Variants in GXYLT2 observed in about 807,000 individuals in gnomAD.
The protein encoded by GXYLT2 is glycosyltransferase 8 domain containing 4.
GXYLT2 carries 53 observed loss-of-function variants against 45.8 expected under a neutral mutation model. That is an observed-to-expected ratio of 1.16 (90% CI 0.93 to 1.46). The LOEUF is 1.46. Among genes scored for constraint, GXYLT2 ranks in the 40% most tolerant of loss-of-function variants. GXYLT2 has a pLI of 0.00. For missense variants in GXYLT2, 551 were observed against 544.4 expected (o/e 1.01, Z -0.12); for synonymous variants, 219 against 214.2 (o/e 1.02, Z -0.19).
intron 2 of GXYLT2, among the ~76,000 whole-genome samples, chr3:72,918,352 A>G (rs908270986): frequency 6.6e-6 from 1 of 152,210 alleles, no homozygotes; most frequent in South Asian, 2.1e-4. Flanking sequence ...GCATTCTGTT[A>G]TATAGATAGA....
intron 5 of GXYLT2, among the ~76,000 whole-genome samples, chr3:72,961,156 T>C (rs535222555): frequency 2.6e-5 from 4 of 152,340 alleles, no homozygotes; most frequent in African/African-American, 9.6e-5. Flanking sequence ...GGACATTTCC[T>C]GGCAGGTGAG....
intron 1 of GXYLT2, among the ~76,000 whole-genome samples, chr3:72,893,600 TAGATG>T (rs952991330): frequency 1.0e-3 from 153 of 152,296 alleles, no homozygotes; most frequent in African/African-American, 3.6e-3. Context: ...AAAACAGAGA[TAGATG>T]ATCTCATAGC....
intron 1 of GXYLT2, among the ~76,000 whole-genome samples, chr3:72,907,737 T>C (rs1709538223): frequency 1.3e-5 from 2 of 152,096 alleles, no homozygotes; most frequent in African/African-American, 4.8e-5. Context: ...GAAGATGAAT[T>C]TCATACCCAC....
chr3:72,968,125 C>T (rs142597797), intron 6 of GXYLT2, among the ~76,000 whole-genome samples: 2 of 152,280 alleles, frequency 1.3e-5, no homozygotes, highest in East Asian at 1.9e-4. Context: ...AGACACGCGC[C>T]GCCATGCCTG....
At chr3:72,937,850 C>G (rs1364514377) in intron 3 of GXYLT2, among the ~76,000 whole-genome samples, 1 of 152,120 alleles carries the variant, frequency 6.6e-6, no homozygotes, top group African/African-American at 2.4e-5. Flanking sequence ...ATCATTGCTC[C>G]CCATCCCTGC....
In GXYLT2 at chr3:72,888,474, C is replaced by T; in HGVS notation, c.241C>T (p.Arg81Cys). ...RPPRPRPRAG[R>C]RGAARLEKLA... Reference sequence around the variant, plus strand: ...CCCGCGTCCGCGCCCCCGAGCGGGCCGCCGGGGCGCTGCGAGACTGGAGAA... The same window carrying T: ...CCCGCGTCCGCGCCCCCGAGCGGGCTGCCGGGGCGCTGCGAGACTGGAGAA... The change falls in exon 1 of 7, where the codon CGC becomes TGC. Residue 81 changes from arginine to cysteine, a missense_variant. By Grantham distance (180) the Arg-to-Cys change is radical (BLOSUM62 -3). Coordinates refer to ENST00000389617, the MANE Select transcript of GXYLT2 (RefSeq NM_001080393.2). 8.0e-7 allele frequency: 1 copy of T among 1,250,054 alleles called. No individual in the cohort carries two copies. The highest frequency in any genetic ancestry group is 3.7e-5 in the Admixed American group (1 of 26,768). 77.4% of individuals were successfully genotyped at this position (1,250,054 alleles called of 1,614,324 possible). A position where few individuals can be genotyped will look rare whatever the true frequency, so the allele number is the denominator to read the frequency against.
intron 3 of GXYLT2, among the ~76,000 whole-genome samples, chr3:72,930,252 G>C (rs533647733): frequency 1.3e-5 from 2 of 151,658 alleles, no homozygotes; most frequent in East Asian, 4.0e-4. Flanking sequence ...AGGTGTTCAT[G>C]CCTGTAATTC....
intron 6 of GXYLT2, among the ~76,000 whole-genome samples, chr3:72,972,565 C>T (rs1335482239): frequency 6.9e-6 from 1 of 145,514 alleles, no homozygotes; most frequent in Non-Finnish European, 1.5e-5. Context: ...TTCTTGAACC[C>T]AGGAAGTGGA....
chr3:72,890,654 T>C (rs1349585793), intron 1 of GXYLT2, among the ~76,000 whole-genome samples: 1 of 152,240 alleles, frequency 6.6e-6, no homozygotes, highest in East Asian at 1.9e-4. Context: ...ATCTGTCTCA[T>C]TCTTCAAGGT....
In GXYLT2 at chr3:72,929,216, C is replaced by T. The variant is rs1466959585; in HGVS notation, c.600+6881C>T. 2.6e-5 allele frequency: 41 copies of T among 1,579,064 alleles called. No homozygotes were observed. The Admixed American group carries it at 6.3e-4, about 24-fold the overall frequency. Reference sequence around the variant, plus strand: ...GAACTTTGCCAAATACTTTCTTCACCAATCTCATGAGGAGAGGGAACATGC... The same window carrying T: ...GAACTTTGCCAAATACTTTCTTCACTAATCTCATGAGGAGAGGGAACATGC... On this transcript the variant is annotated intron_variant, in intron 3 of 6. Transcript: ENST00000389617.
intron 2 of GXYLT2, among the ~76,000 whole-genome samples, chr3:72,911,893 C>T (rs1709630102): frequency 1.3e-5 from 2 of 150,776 alleles, no homozygotes; most frequent in Non-Finnish European, 2.9e-5. Context: ...TCAGTATCCC[C>T]TCCATGCCTG....
intron 6 of GXYLT2, among the ~76,000 whole-genome samples, chr3:72,970,970 C>G (rs1255730052): frequency 1.3e-5 from 2 of 152,184 alleles, no homozygotes; most frequent in Non-Finnish European, 2.9e-5. Context: ...TTTCAAAGGC[C>G]AGGTGATTTA....
At chr3:72,913,760 T>G (rs1465288935) in intron 2 of GXYLT2, among the ~76,000 whole-genome samples, 1 of 152,180 alleles carries the variant, frequency 6.6e-6, no homozygotes, top group East Asian at 1.9e-4. Context: ...CGTCACTTTC[T>G]TGTCCATGCA....
chr3:72,949,623 TGCCTCA>T (rs1710478507), intron 3 of GXYLT2, among the ~76,000 whole-genome samples: 1 of 142,066 alleles, frequency 7.0e-6, no homozygotes, highest in Non-Finnish European at 1.5e-5. Flanking sequence ...GCGATTCTCC[TGCCTCA>T]GCCTCCGGAG....
intron 1 of GXYLT2, among the ~76,000 whole-genome samples, chr3:72,907,352 C>A (rs556054395): frequency 6.6e-6 from 1 of 152,298 alleles, no homozygotes; most frequent in South Asian, 2.1e-4. Context: ...ATTATTCAAC[C>A]ATGCAGTGAA....
chr3:72,946,307 A>G (rs1034029860), intron 3 of GXYLT2, among the ~76,000 whole-genome samples: 8 of 140,920 alleles, frequency 5.7e-5, no homozygotes, highest in African/African-American at 7.7e-5. Context: ...AAAAAAAAGG[A>G]TGTCATTTTA....
intron 1 of GXYLT2, among the ~76,000 whole-genome samples, chr3:72,904,890 A>AT (rs1709477613): frequency 1.4e-5 from 1 of 71,250 alleles, no homozygotes; most frequent in East Asian, 3.6e-4. Flanking sequence ...AAAAAAAAAA[A>AT]AAAAAAAATT....
intron 2 of GXYLT2, among the ~76,000 whole-genome samples, chr3:72,920,404 A>C (rs1709810486): frequency 6.6e-6 from 1 of 151,954 alleles, no homozygotes; most frequent in Non-Finnish European, 1.5e-5. Flanking sequence ...CAAAGTCATG[A>C]GATTACAGGC....
At chr3:72,902,650 G>A (rs1338421180) in intron 1 of GXYLT2, among the ~76,000 whole-genome samples, 2 of 152,138 alleles carry the variant, frequency 1.3e-5, no homozygotes, top group African/African-American at 2.4e-5. Flanking sequence ...GGGCAATATA[G>A]TGAGATCCCA....
Sources: gnomAD v4.1 joint callset for allele counts (sites outside exome capture counted in the v4.1 genomes callset) on GRCh38, gnomAD v4.1.1 for gene constraint, MANE v1.5 for transcripts, NCBI Gene and HGNC (gene_info 2026-07-23, HGNC 2026-07-21) for gene names.